The following DUSP19 variants were observed in gnomAD, a reference collection of about 807,000 sequenced individuals.
The protein encoded by DUSP19 is dual specificity phosphatase 19, also known as dual specificity protein phosphatase 19.
Under a neutral mutation model 16.6 loss-of-function variants are expected in DUSP19, and 14 were observed. That is an observed-to-expected ratio of 0.84 (90% CI 0.56 to 1.32). The LOEUF (loss-of-function observed/expected upper bound fraction) is 1.32, where lower values mean the gene tolerates loss of function less well. Among genes scored for constraint, DUSP19 ranks in the 40% most tolerant of loss-of-function variants. The pLI is 0.00. For synonymous variants in DUSP19, 81 were observed against 90.5 expected, an observed-to-expected ratio of 0.90 and a Z score of 0.59; for missense variants, 258 against 255.9, an observed-to-expected ratio of 1.01 and a Z score of -0.06.
Position 183,098,434 on chromosome 2 carries a change from C to T in DUSP19, c.*2776C>T, listed in dbSNP as rs1043029417. 1 of 152,108 alleles carries T rather than the reference C, an allele frequency of 6.6e-6. No individual in the cohort carries two copies. Among genetic ancestry groups the T allele is most frequent in the Non-Finnish European group, 1.5e-5 (1 of 68,020 alleles). The allele number at this position is 152,108 out of a possible 1,614,324, so 9.4% of individuals were successfully genotyped here. ...ACTATACAATATGTTTATTGCACTT[C>T]CCATGGGGATAAATCACTCTGTCAT... On this transcript the variant is annotated 3_prime_UTR_variant, in exon 4 of 4. Transcript: ENST00000354221.
chr2:183,086,998 T>A, intron 2 of DUSP19, 42 bp from the exon 3 acceptor site: 1 of 1,580,974 alleles, frequency 6.3e-7, no homozygotes, highest in African/African-American at 1.4e-5. Flanking sequence ...GTAACCTAAT[T>A]CATGGGATTT....
At chr2:183,082,426 T>C (rs889450549) in intron 1 of DUSP19, among the ~76,000 whole-genome samples, 71 of 140,784 alleles carry the variant, frequency 5.0e-4, no homozygotes, top group Non-Finnish European at 9.4e-4. Flanking sequence ...TTTCTTTTTT[T>C]TTTTTTTTTT....
intron 1 of DUSP19, among the ~76,000 whole-genome samples, chr2:183,081,063 G>A (rs113345411): frequency 6.6e-6 from 1 of 152,118 alleles, no homozygotes. Context: ...TTTGGTTTGG[G>A]TGATGAATAA....
Position 183,078,842 on chromosome 2 carries a change from C to T in DUSP19, c.-92C>T, listed in dbSNP as rs929290864. 5.0e-6 allele frequency: 6 copies of T among 1,203,858 alleles called. No homozygotes were observed. In the South Asian group the frequency reaches 7.2e-5, roughly 14 times the overall value. 74.6% of individuals were successfully genotyped at this position (1,203,858 alleles called of 1,614,324 possible). A position where few individuals can be genotyped will look rare whatever the true frequency, so the allele number is the denominator to read the frequency against. On this transcript the variant is annotated 5_prime_UTR_variant, in exon 1 of 4. Coordinates refer to ENST00000354221, the MANE Select transcript of DUSP19 (RefSeq NM_080876.4). ...GATGGGCGAGCACCTCTGAGGCTGGCTTTGTTACCTGGGCAATAAGGGACT... is the reference window on the plus strand; with the variant it reads ...GATGGGCGAGCACCTCTGAGGCTGGTTTTGTTACCTGGGCAATAAGGGACT...
Position 183,078,800 on chromosome 2 carries a change from G to T in DUSP19, c.-134G>T. 1.4e-6 allele frequency: 1 copy of T among 733,522 alleles called. No homozygotes were observed. Among genetic ancestry groups the T allele is most frequent in the Non-Finnish European group, 2.2e-6 (1 of 448,546 alleles). 45.4% of individuals were successfully genotyped at this position (733,522 alleles called of 1,614,324 possible). A position where few individuals can be genotyped will look rare whatever the true frequency, so the allele number is the denominator to read the frequency against. Reference sequence around the variant, plus strand: ...GGACGACTCAGTCTCTTGGTCTGTGGCTGCTGCGGTTACCTGGATGGGCGA... The same window carrying T: ...GGACGACTCAGTCTCTTGGTCTGTGTCTGCTGCGGTTACCTGGATGGGCGA... On this transcript the variant is annotated 5_prime_UTR_variant, in exon 1 of 4. Transcript: ENST00000354221.
At chr2:183,080,720 T>A (rs1359271508) in intron 1 of DUSP19, among the ~76,000 whole-genome samples, 1 of 152,182 alleles carries the variant, frequency 6.6e-6, no homozygotes, top group African/African-American at 2.4e-5. Flanking sequence ...GAGATTGGGG[T>A]TGGAAACCTC....
rs1249817415 is a variant in DUSP19, at chr2:183,097,948, G to C, written c.*2290G>C. ...CTCTTATTGCCCAGGCTGGAGTGCA[G>C]TGGCGTGATCTTGGCTCACTGCAAC... On this transcript the variant is annotated 3_prime_UTR_variant, in exon 4 of 4. Transcript: ENST00000354221. 6.6e-6 allele frequency: 1 copy of C among 152,182 alleles called. No individual in the cohort carries two copies. The highest frequency in any genetic ancestry group is 6.5e-5 in the Admixed American group (1 of 15,270). The allele number at this position is 152,182 out of a possible 1,614,324, so 9.4% of individuals were successfully genotyped here. A position where few individuals can be genotyped will look rare whatever the true frequency, so the allele number is the denominator to read the frequency against.
chr2:183,093,046 G>A (rs983302759), intron 3 of DUSP19, among the ~76,000 whole-genome samples: 1 of 152,030 alleles, frequency 6.6e-6, no homozygotes, highest in South Asian at 2.1e-4. Context: ...AAAACACCTG[G>A]GCCTGGCTCA....
At chr2:183,085,051 G>GT (rs1480321694) in intron 2 of DUSP19, among the ~76,000 whole-genome samples, 2 of 152,310 alleles carry the variant, frequency 1.3e-5, no homozygotes, top group Non-Finnish European at 2.9e-5. Flanking sequence ...AGGAGAAACA[G>GT]TGTGCTCAGT....
intron 3 of DUSP19, among the ~76,000 whole-genome samples, chr2:183,092,477 G>A (rs1218241965): frequency 6.6e-6 from 1 of 152,070 alleles, no homozygotes; most frequent in Admixed American, 6.6e-5. Context: ...CCACCTATAA[G>A]TGAGACATGC....
In DUSP19 at chr2:183,096,536, T is replaced by G. The variant is rs1368433088; in HGVS notation, c.*878T>G. ...CAGGCGTGAGCCACTGCATCCGACC[T>G]CATTTTGTTTTTTTCAATTCTGTTA... On this transcript the variant is annotated 3_prime_UTR_variant, in exon 4 of 4. Coordinates refer to ENST00000354221, the MANE Select transcript of DUSP19 (RefSeq NM_080876.4). 6.7e-6 allele frequency: 1 copy of G among 150,220 alleles called. No homozygotes were observed. Among genetic ancestry groups the G allele is most frequent in the African/African-American group, 2.5e-5 (1 of 40,746 alleles). The allele number at this position is 150,220 out of a possible 1,614,324, so 9.3% of individuals were successfully genotyped here.
chr2:183,086,947 C>T, intron 2 of DUSP19, 93 bp from the exon 3 acceptor site: 1 of 1,269,302 alleles, frequency 7.9e-7, no homozygotes. Flanking sequence ...AAATTTTTTA[C>T]CTTTCTTGTT....
Position 183,079,084 on chromosome 2 carries a change from G to C in DUSP19, c.151G>C (p.Gly51Arg), listed in dbSNP as rs757629559. ...TGTGGAAGAAGTAGAGCCGAGCAGT[G>C]GGGGTGGTTGTGGTTATGTGCAGGA... Reference protein sequence around the residue: ...HVVEEVEPSSGGGCGYVQDLS... With the variant: ...HVVEEVEPSSRGGCGYVQDLS... The change falls in exon 1 of 4, where the codon GGG (glycine) becomes CGG (arginine). Residue 51 changes from glycine (G) to arginine (R), a missense_variant. Physicochemically the swap from Gly to Arg is moderately radical, Grantham distance 125. Coordinates refer to ENST00000354221, the MANE Select transcript of DUSP19 (RefSeq NM_080876.4). The C allele has an allele frequency of 5.6e-6, 9 of 1,613,996 alleles. No homozygotes were observed. Among genetic ancestry groups the C allele is most frequent in the Non-Finnish European group, 6.8e-6 (8 of 1,180,032 alleles).
intron 3 of DUSP19, among the ~76,000 whole-genome samples, chr2:183,094,435 A>G (rs1205032345): frequency 6.6e-6 from 1 of 152,162 alleles, no homozygotes; most frequent in Non-Finnish European, 1.5e-5. Context: ...AAGTAACTAA[A>G]ATGTCTAATT....
chr2:183,079,409 T>C (rs896140803), intron 1 of DUSP19, among the ~76,000 whole-genome samples: 8 of 152,156 alleles, frequency 5.3e-5, no homozygotes, highest in African/African-American at 1.9e-4. Flanking sequence ...AAAAGCTTTC[T>C]TCCCGTTTCT....
At chr2:183,086,373 C>T (rs555416095) in intron 2 of DUSP19, among the ~76,000 whole-genome samples, 2 of 151,994 alleles carry the variant, frequency 1.3e-5, no homozygotes, top group Non-Finnish European at 2.9e-5. Flanking sequence ...AGATTTTAAG[C>T]ATTTTCTGCT....
At chr2:183,093,943 T>C (rs1295287279) in intron 3 of DUSP19, among the ~76,000 whole-genome samples, 1 of 152,182 alleles carries the variant, frequency 6.6e-6, no homozygotes, top group Non-Finnish European at 1.5e-5. Context: ...TAATATAATT[T>C]TTAAACATCT....
At chr2:183,091,024 G>A (rs1699725340) in intron 3 of DUSP19, among the ~76,000 whole-genome samples, 1 of 152,190 alleles carries the variant, frequency 6.6e-6, no homozygotes, top group Non-Finnish European at 1.5e-5. Flanking sequence ...TCCTGGTCCT[G>A]TCTCTGGCCC....
intron 1 of DUSP19, among the ~76,000 whole-genome samples, chr2:183,082,162 G>A (rs1699599815): frequency 6.6e-6 from 1 of 152,076 alleles, no homozygotes; most frequent in African/African-American, 2.4e-5. Flanking sequence ...CAAACCAGCT[G>A]GCACAAAGTC....
Sources: gnomAD v4.1 joint callset for allele counts (sites outside exome capture counted in the v4.1 genomes callset) on GRCh38, gnomAD v4.1.1 for gene constraint, MANE v1.5 for transcripts, NCBI Gene and HGNC (gene_info 2026-07-23, HGNC 2026-07-21) for gene names.